The following NAA20 variants were observed in gnomAD, a reference collection of about 807,000 sequenced individuals.
NAA20 encodes the protein N-alpha-acetyltransferase 20.
In NAA20, 24 loss-of-function variants were observed where a neutral mutation model predicts 23.8. That is an observed-to-expected ratio of 1.01 (90% confidence interval 0.73 to 1.42). The LOEUF (loss-of-function observed/expected upper bound fraction) is 1.42, where lower values mean the gene tolerates loss of function less well. NAA20 is among the 40% of genes most tolerant of loss of function. The probability of loss-of-function intolerance (pLI) is 0.00; values close to 1 mark genes in which losing one functional copy is unlikely to be tolerated. For missense variants in NAA20, 166 were observed against 223.1 expected (o/e 0.74, Z 1.63); for synonymous variants, 83 against 77.7 (o/e 1.07, Z -0.36).
intron 3 of NAA20, 110 bp from the exon 4 acceptor site, chr20:20,026,671 TAAA>T (rs1568747824): frequency 1.4e-6 from 2 of 1,397,738 alleles, no homozygotes; most frequent in Non-Finnish European, 9.8e-7. Context: ...AGGTGGTACT[TAAA>T]AACTTCTTTA....
chr20:20,026,839 A>G lies in NAA20; in HGVS notation c.225A>G (p.Thr75=). Residue 75 remains threonine (T), a synonymous_variant, in exon 4 of 6, where the codon ACA becomes ACG. Coordinates refer to ENST00000334982, the MANE Select transcript of NAA20 (RefSeq NM_016100.5). ...VAREEWHGHV[T]ALSVAPEFRR... ...GGGAAGAATGGCACGGGCACGTCAC[A>G]GCTCTGTCTGTTGCCCCAGAATTTC... is the stretch of plus-strand genomic sequence containing the variant. 6.2e-7 allele frequency: 1 copy of G among 1,614,234 alleles called. No homozygotes were observed. Among genetic ancestry groups the G allele is most frequent in the African/African-American group, 1.3e-5 (1 of 75,064 alleles).
At chr20:20,017,693 G>C in intron 1 of NAA20, 3 of 1,424,270 alleles carry the variant, frequency 2.1e-6, no homozygotes, top group Non-Finnish European at 2.7e-6. Flanking sequence ...CTTTGTCTCT[G>C]GACCCTGCGA....
At chr20:20,032,736 A>T (rs2043355370) in intron 5 of NAA20, 83 bp downstream of exon 5, 2 of 1,435,516 alleles carry the variant, frequency 1.4e-6, no homozygotes, top group African/African-American at 2.9e-5. Flanking sequence ...GATTATTTTA[A>T]TAAATGTAGA....
At chr20:20,019,007 C>T in intron 1 of NAA20, 1 of 851,282 alleles carries the variant, frequency 1.2e-6, no homozygotes, top group African/African-American at 1.8e-5. Context: ...TGGAGTGGGT[C>T]TTAACCCACC....
intron 1 of NAA20, chr20:20,018,806 C>T: frequency 1.4e-6 from 1 of 738,542 alleles, no homozygotes. Context: ...CTTTGAGGTG[C>T]TGTCACCCCC....
chr20:20,017,358 G>A, upstream of NAA20: 1 of 1,609,448 alleles, frequency 6.2e-7, no homozygotes, highest in Non-Finnish European at 8.5e-7. Flanking sequence ...GGCGGGCGCG[G>A]GGTCTTGGCG....
intron 1 of NAA20, among the ~76,000 whole-genome samples, chr20:20,021,044 G>GC (rs2043264293): frequency 7.1e-6 from 1 of 140,748 alleles, no homozygotes; most frequent in African/African-American, 2.6e-5. Flanking sequence ...TGGGCGGGGG[G>GC]GGGGGGGGAC....
chr20:20,027,230 A>T (rs952923116), intron 4 of NAA20, among the ~76,000 whole-genome samples: 3 of 152,214 alleles, frequency 2.0e-5, no homozygotes, highest in African/African-American at 7.2e-5. Flanking sequence ...ACATTCCTAA[A>T]ATCTGTTACC....
chr20:20,022,066 A>G (rs951735710), intron 1 of NAA20, among the ~76,000 whole-genome samples: 4 of 152,224 alleles, frequency 2.6e-5, no homozygotes, highest in African/African-American at 7.2e-5. Flanking sequence ...AGACCCAGAC[A>G]CAGGCGGGGA....
rs756162090 is a variant in NAA20, at chr20:20,017,423, C to T, written c.27C>T (p.Cys9=). Residue 9 remains cysteine, a synonymous_variant, in exon 1 of 6, where the codon TGC becomes TGT. Coordinates refer to ENST00000334982, the MANE Select transcript of NAA20 (RefSeq NM_016100.5). MTTLRAFT[C]DDLFRFNNIN... ...TGACCACGCTACGGGCCTTTACCTG[C>T]GACGACCTGTTCCGCTTCAACAACA... 3.7e-6 allele frequency: 6 copies of T among 1,612,004 alleles called. No individual in the cohort carries two copies. Among genetic ancestry groups the T allele is most frequent in the Non-Finnish European group, 5.1e-6 (6 of 1,179,444 alleles).
rs954771386 is a variant in NAA20, at chr20:20,018,149, C to T, written c.53+700C>T. ...AGGGGAGGCTCGCTGTGCCCAGAGC[C>T]CTGGATGCAGTTTCTTTGGATTCGA... On this transcript the variant is annotated intron_variant, in intron 1 of 5. Transcript: ENST00000334982. The T allele has an allele frequency of 6.6e-6, 10 of 1,515,152 alleles. No individual in the cohort carries two copies. In the African/African-American group the frequency reaches 8.2e-5, roughly 12 times the overall value. 93.9% of individuals were successfully genotyped at this position (1,515,152 alleles called of 1,614,324 possible).
chr20:20,033,041 C>A, intron 5 of NAA20, 61 bp from the exon 6 acceptor site: 1 of 1,308,226 alleles, frequency 7.6e-7, no homozygotes, highest in Non-Finnish European at 1.1e-6. Context: ...TTTACCTATA[C>A]ACTTTACATT....
In NAA20 at chr20:20,026,210, C is replaced by T. The variant is rs139387673; in HGVS notation, c.169+443C>T. On this transcript the variant is annotated intron_variant, in intron 3 of 5. Transcript: ENST00000334982. Reference sequence around the variant, plus strand: ...ATCCCAGCTACTCAGGAAGCTGAGGCGGGAGAATCACTTGAACCCCGGAGG... The same window carrying T: ...ATCCCAGCTACTCAGGAAGCTGAGGTGGGAGAATCACTTGAACCCCGGAGG... Among the ~76,000 whole-genome samples the T allele has an allele frequency of 1.6e-3, 238 of 151,556 alleles. 2 individuals are homozygous for T. The highest frequency in any genetic ancestry group is 5.0e-3 in the African/African-American group (207 of 41,252).
intron 4 of NAA20, among the ~76,000 whole-genome samples, chr20:20,030,151 A>G (rs2049977669): frequency 6.6e-6 from 1 of 152,254 alleles, no homozygotes; most frequent in South Asian, 2.1e-4. Context: ...TAAGGCCAGG[A>G]TAACCTTGAT....
chr20:20,028,556 G>C (rs2043321966), intron 4 of NAA20, among the ~76,000 whole-genome samples: 1 of 152,138 alleles, frequency 6.6e-6, no homozygotes, highest in South Asian at 2.1e-4. Context: ...TTGTATGATA[G>C]ATTCTCCCTC....
Position 20,017,387 on chromosome 20 carries a change from C to T in NAA20, c.-10C>T, listed in dbSNP as rs766475982. 61 of 1,610,996 alleles carry T rather than the reference C, an allele frequency of 3.8e-5. 1 individual carries two copies. In the South Asian group the frequency reaches 6.0e-4, roughly 16 times the overall value. ...CTTGGCGAACGGTCTTCGGAAGCGG[C>T]GGCGGCGCGATGACCACGCTACGGG... is the stretch of plus-strand genomic sequence containing the variant. On this transcript the variant is annotated 5_prime_UTR_variant, in exon 1 of 6. Transcript: ENST00000334982.
chr20:20,023,292 T>C (rs1306485141), intron 2 of NAA20, among the ~76,000 whole-genome samples: 1 of 145,142 alleles, frequency 6.9e-6, no homozygotes, highest in East Asian at 2.0e-4. Flanking sequence ...CTGGGCTACA[T>C]GTAGAGCGAG....
chr20:20,024,093 T>C (rs895774256), intron 2 of NAA20, among the ~76,000 whole-genome samples: 2 of 152,234 alleles, frequency 1.3e-5, no homozygotes, highest in African/African-American at 2.4e-5. Flanking sequence ...CAGCAGGGAC[T>C]GTATGGCCCA....
At chr20:20,017,779 C>T in intron 1 of NAA20, 1 of 1,439,512 alleles carries the variant, frequency 6.9e-7, no homozygotes. Context: ...ATGGGGCGAG[C>T]TGGAGACGCG....
Sources: allele counts gnomAD v4.1 joint callset (sites outside exome capture counted in the v4.1 genomes callset), GRCh38; gene constraint gnomAD v4.1.1; transcripts MANE v1.5; gene names NCBI Gene and HGNC (gene_info 2026-07-23, HGNC 2026-07-21).